The following MVB12B variants were observed in gnomAD, a reference collection of about 807,000 sequenced individuals.
The protein encoded by MVB12B is multivesicular body subunit 12B.
Under a neutral mutation model 41.6 loss-of-function variants are expected in MVB12B, and 16 were observed. The ratio of observed to expected loss-of-function variants is 0.38; its 90% CI spans 0.26 to 0.58. The LOEUF (loss-of-function observed/expected upper bound fraction) is 0.58. MVB12B is among the 20% of genes least tolerant of loss of function. MVB12B has a pLI of 0.62. For synonymous variants in MVB12B, 133 were observed against 139.7 expected (o/e 0.95, Z 0.34); for missense variants, 274 against 380.2 (o/e 0.72, Z 2.32).
intron 2 of MVB12B, among the ~76,000 whole-genome samples, chr9:126,377,518 T>C (rs1285897242): frequency 6.6e-6 from 1 of 152,128 alleles, no homozygotes; most frequent in Non-Finnish European, 1.5e-5. Flanking sequence ...TTGAAAAACT[T>C]CCCGTTACCT....
At chr9:126,404,820 T>C (rs1368149669) in intron 6 of MVB12B, among the ~76,000 whole-genome samples, 1 of 152,212 alleles carries the variant, frequency 6.6e-6, no homozygotes, top group Non-Finnish European at 1.5e-5. Flanking sequence ...CTGGTGATCG[T>C]GAGAGTGGCA....
At chr9:126,413,574 G>A (rs937651334) in intron 6 of MVB12B, among the ~76,000 whole-genome samples, 1 of 152,116 alleles carries the variant, frequency 6.6e-6, no homozygotes, top group Non-Finnish European at 1.5e-5. Flanking sequence ...GAATCATCTG[G>A]AATGTATTAT....
intron 7 of MVB12B, among the ~76,000 whole-genome samples, chr9:126,470,334 A>G (rs2119189429): frequency 6.6e-6 from 1 of 152,326 alleles, no homozygotes; most frequent in Middle Eastern, 3.4e-3. Flanking sequence ...ACTTGGAAGC[A>G]AGATCCAAGC....
At chr9:126,345,909 T>C (rs1436936886) in intron 2 of MVB12B, among the ~76,000 whole-genome samples, 1 of 152,252 alleles carries the variant, frequency 6.6e-6, no homozygotes, top group Non-Finnish European at 1.5e-5. Flanking sequence ...CATTCATTTA[T>C]TTATTTGCTC....
intron 8 of MVB12B, among the ~76,000 whole-genome samples, chr9:126,481,892 G>A (rs1025581953): frequency 3.0e-4 from 45 of 152,198 alleles, no homozygotes; most frequent in Admixed American, 2.7e-3. Flanking sequence ...AGGCTGCCTC[G>A]TTTTCCCATT....
At chr9:126,372,801 G>A (rs1830374937) in intron 2 of MVB12B, among the ~76,000 whole-genome samples, 1 of 152,158 alleles carries the variant, frequency 6.6e-6, no homozygotes, top group African/African-American at 2.4e-5. Flanking sequence ...CTTGCCTGCT[G>A]GGATCATCAC....
chr9:126,364,088 TG>T (rs1830098903), intron 2 of MVB12B, among the ~76,000 whole-genome samples: 1 of 152,220 alleles, frequency 6.6e-6, no homozygotes, highest in Non-Finnish European at 1.5e-5. Context: ...TTGAATTAGC[TG>T]GCTCCTTTCT....
Position 126,367,466 on chromosome 9 carries a change from G to A in MVB12B, c.205-13598G>A, listed in dbSNP as rs1362856372. Among the ~76,000 whole-genome samples, 1 of 152,020 alleles carries A rather than the reference G, an allele frequency of 6.6e-6. No individual in the cohort carries two copies. Among genetic ancestry groups the A allele is most frequent in the African/African-American group, 2.4e-5 (1 of 41,394 alleles). ...TTTCTGTCCTTTCTTCTAGGGGTGC[G>A]CCTGCCCCTCTGCCCCTACTTCGTT... On this transcript the variant is annotated intron_variant, in intron 2 of 9. Coordinates refer to ENST00000361171, the MANE Select transcript of MVB12B (RefSeq NM_033446.3). The surrounding 1 kb of genome is among the most constrained non-coding windows in gnomAD (Gnocchi z 4.3).
chr9:126,501,779 G>A (rs1280243593), intron 9 of MVB12B, among the ~76,000 whole-genome samples: 1 of 152,174 alleles, frequency 6.6e-6, no homozygotes, highest in Non-Finnish European at 1.5e-5. Context: ...GGCCCTCCTC[G>A]CTCATCAGGG....
At chr9:126,421,979 C>CTTTTTTT in intron 7 of MVB12B, 31 bp downstream of exon 7, 1 of 1,536,788 alleles carries the variant, frequency 6.5e-7, no homozygotes, top group South Asian at 1.1e-5. Context: ...AGGCCAGCTA[C>CTTTTTTT]AGAGTCTGTG....
chr9:126,341,695 G>A (rs548766810), intron 2 of MVB12B, among the ~76,000 whole-genome samples: 34 of 152,312 alleles, frequency 2.2e-4, no homozygotes, highest in Admixed American at 1.1e-3. Flanking sequence ...CCTGTGCATC[G>A]TATGATGTTT....
At chr9:126,475,584 T>C (rs572177008) in intron 7 of MVB12B, among the ~76,000 whole-genome samples, 2 of 152,342 alleles carry the variant, frequency 1.3e-5, no homozygotes, top group East Asian at 3.9e-4. Context: ...CTGGTCCTGG[T>C]GGCACTTGCT....
At chr9:126,460,865 A>G (rs1041255453) in intron 7 of MVB12B, among the ~76,000 whole-genome samples, 1 of 152,116 alleles carries the variant, frequency 6.6e-6, no homozygotes, top group African/African-American at 2.4e-5. Context: ...AATAATAATA[A>G]TATACACACA....
intron 6 of MVB12B, among the ~76,000 whole-genome samples, chr9:126,418,404 C>T (rs1185229071): frequency 6.6e-6 from 1 of 152,094 alleles, no homozygotes; most frequent in Non-Finnish European, 1.5e-5. Context: ...CTAAATTTCC[C>T]CAAAACTATC....
intron 9 of MVB12B, among the ~76,000 whole-genome samples, chr9:126,497,396 C>T (rs1193388674): frequency 2.0e-5 from 3 of 152,132 alleles, no homozygotes; most frequent in South Asian, 2.1e-4. Context: ...CCTCTGCCCA[C>T]GCCCCGCAGT....
At chr9:126,433,902 G>A (rs555032164) in intron 7 of MVB12B, among the ~76,000 whole-genome samples, 2 of 152,248 alleles carry the variant, frequency 1.3e-5, no homozygotes, top group East Asian at 1.9e-4. Flanking sequence ...ATTGGATTCC[G>A]AGTTGGGGTA....
At chr9:126,348,688 T>A (rs1356846013) in intron 2 of MVB12B, among the ~76,000 whole-genome samples, 1 of 152,236 alleles carries the variant, frequency 6.6e-6, no homozygotes, top group South Asian at 2.1e-4. Context: ...ATTAATTGGA[T>A]GGTTGAAAAA....
intron 9 of MVB12B, among the ~76,000 whole-genome samples, chr9:126,499,384 T>G (rs1833905136): frequency 6.6e-6 from 1 of 152,178 alleles, no homozygotes; most frequent in South Asian, 2.1e-4. Context: ...GGCCCGGCGC[T>G]GCGCAGCTGG....
At chr9:126,400,743 A>C (rs1831245101) in intron 6 of MVB12B, among the ~76,000 whole-genome samples, 1 of 152,184 alleles carries the variant, frequency 6.6e-6, no homozygotes, top group African/African-American at 2.4e-5. Flanking sequence ...GGAGGTATGG[A>C]TAGTGGAGAG....
Sources: allele counts gnomAD v4.1 joint callset (sites outside exome capture counted in the v4.1 genomes callset), GRCh38; gene constraint gnomAD v4.1.1; non-coding constraint Gnocchi (gnomAD v3.1); transcripts MANE v1.5; gene names NCBI Gene and HGNC (gene_info 2026-07-23, HGNC 2026-07-21).